The following PLEKHH2 variants were observed in gnomAD, a reference collection of about 807,000 sequenced individuals.
PLEKHH2 encodes pleckstrin homology, MyTH4 and FERM domain containing H2, also known as pleckstrin homology domain-containing family H member 2.
PLEKHH2 carries 129 observed loss-of-function variants against 187.9 expected under a neutral mutation model. That is an observed-to-expected ratio of 0.69 (90% CI 0.59 to 0.79). The LOEUF (loss-of-function observed/expected upper bound fraction) is 0.79, where lower values mean the gene tolerates loss of function less well. Ranked by LOEUF, PLEKHH2 falls within the 30% of genes least tolerant of loss-of-function variation. The pLI, the probability that PLEKHH2 is intolerant of heterozygous loss-of-function variation, is 0.00. For missense variants in PLEKHH2, 2,076 were observed against 1,751.2 expected (o/e 1.19, Z -3.31); for synonymous variants, 686 against 605.6 (o/e 1.13, Z -1.95).
At chr2:43,734,254 C>A (rs546965460) in intron 19 of PLEKHH2, among the ~76,000 whole-genome samples, 2 of 152,240 alleles carry the variant, frequency 1.3e-5, no homozygotes, top group Non-Finnish European at 2.9e-5. Flanking sequence ...TATTTTGAAG[C>A]AATCCTCAGT....
intron 16 of PLEKHH2, among the ~76,000 whole-genome samples, chr2:43,724,301 C>T (rs1670632204): frequency 1.3e-5 from 2 of 152,180 alleles, no homozygotes; most frequent in African/African-American, 4.8e-5. Flanking sequence ...AGAAGGGCTC[C>T]AGCACTGAGC....
chr2:43,720,611 T>C, intron 15 of PLEKHH2, 58 bp from the exon 16 acceptor site: 1 of 1,591,190 alleles, frequency 6.3e-7, no homozygotes, highest in Non-Finnish European at 8.5e-7. Context: ...GTATAAGCTA[T>C]AATTTAAGGT....
At position 43,759,045 on chromosome 2, in the gene PLEKHH2, A is replaced by G. The variant is rs760122559; in HGVS notation, c.4071+16A>G. ...TCTTGCAAAAGTAAGAAAGAATGGG[A>G]GAGAGATGCATAATGAAAACCTTTG... is the stretch of plus-strand genomic sequence containing the variant. On this transcript the variant is annotated intron_variant, in intron 27 of 29. Transcript: ENST00000282406. The G allele has an allele frequency of 9.3e-6, 15 of 1,606,642 alleles. No homozygotes were observed. Among genetic ancestry groups the G allele is most frequent in the Non-Finnish European group, 1.3e-5 (15 of 1,174,194 alleles).
chr2:43,681,384 G>C, intron 3 of PLEKHH2: 2 of 1,517,162 alleles, frequency 1.3e-6, no homozygotes, highest in Non-Finnish European at 9.0e-7. Context: ...GCTACTGGAA[G>C]GTTCTTGTCG....
intron 24 of PLEKHH2, among the ~76,000 whole-genome samples, chr2:43,749,041 G>A (rs1300870228): frequency 6.6e-6 from 1 of 152,216 alleles, no homozygotes; most frequent in East Asian, 1.9e-4. Context: ...ACAGGCATGA[G>A]CCACTGCGCC....
intron 23 of PLEKHH2, among the ~76,000 whole-genome samples, chr2:43,744,706 A>G (rs1308178894): frequency 2.0e-5 from 3 of 151,788 alleles, no homozygotes; most frequent in Admixed American, 2.0e-4. Flanking sequence ...CATCTCTACT[A>G]AAAATACAAA....
intron 11 of PLEKHH2, 30 bp downstream of exon 11, chr2:43,707,575 A>T: frequency 6.2e-7 from 1 of 1,607,882 alleles, no homozygotes; most frequent in Non-Finnish European, 8.5e-7. Flanking sequence ...ATATGAGGCA[A>T]CTCCAGATCA....
chr2:43,637,654 C>T (rs1703173951), intron 1 of PLEKHH2, among the ~76,000 whole-genome samples: 1 of 152,098 alleles, frequency 6.6e-6, no homozygotes, highest in African/African-American at 2.4e-5. Context: ...CGTGGGCTCC[C>T]GTGACGTTCT....
chr2:43,651,454 C>A (rs1173856614), intron 2 of PLEKHH2, among the ~76,000 whole-genome samples: 3 of 152,196 alleles, frequency 2.0e-5, no homozygotes, highest in African/African-American at 7.2e-5. Flanking sequence ...TGTAACTTAG[C>A]ATTTTTCCTA....
At chr2:43,756,654 A>G (rs905869631) in intron 25 of PLEKHH2, among the ~76,000 whole-genome samples, 1 of 152,232 alleles carries the variant, frequency 6.6e-6, no homozygotes, top group Non-Finnish European at 1.5e-5. Context: ...TTTCAAAATT[A>G]GAATTCAAGC....
chr2:43,711,310 T>G (rs1317736055), intron 14 of PLEKHH2: 1 of 985,240 alleles, frequency 1.0e-6, no homozygotes, highest in Non-Finnish European at 1.2e-6. Context: ...TCTCAAAAAT[T>G]TAGAAAGGAG....
At chr2:43,655,385 C>G (rs1232594882) in intron 2 of PLEKHH2, among the ~76,000 whole-genome samples, 1 of 152,092 alleles carries the variant, frequency 6.6e-6, no homozygotes, top group East Asian at 1.9e-4. Context: ...AGTATCAAAA[C>G]CAGGAACTGC....
At chr2:43,744,264 T>C in intron 23 of PLEKHH2, 1 of 555,080 alleles carries the variant, frequency 1.8e-6, no homozygotes, top group Non-Finnish European at 2.5e-6. Flanking sequence ...AGGGTAGATA[T>C]GTAGAAGTGC....
chr2:43,720,777 T>G, intron 16 of PLEKHH2, 28 bp downstream of exon 16: 1 of 1,585,012 alleles, frequency 6.3e-7, no homozygotes, highest in Admixed American at 1.9e-5. Flanking sequence ...ATATGCCAAT[T>G]GAAGTAACTT....
intron 2 of PLEKHH2, among the ~76,000 whole-genome samples, chr2:43,676,998 C>T (rs1010128749): frequency 5.9e-5 from 9 of 151,986 alleles, no homozygotes; most frequent in Non-Finnish European, 1.0e-4. Context: ...TATGTTAATC[C>T]ATAATTTTTA....
intron 26 of PLEKHH2, 39 bp downstream of exon 26, chr2:43,757,303 T>C: frequency 7.2e-7 from 1 of 1,385,128 alleles, no homozygotes; most frequent in African/African-American, 1.5e-5. Context: ...GGTAGGGTCA[T>C]ACTAGTTTTT....
chr2:43,763,493 C>A (rs1245296631), intron 28 of PLEKHH2, among the ~76,000 whole-genome samples: 1 of 151,876 alleles, frequency 6.6e-6, no homozygotes, highest in Non-Finnish European at 1.5e-5. Context: ...GATCACTGCT[C>A]CCTGCATCCT....
At chr2:43,667,413 A>G (rs533684096) in intron 2 of PLEKHH2, among the ~76,000 whole-genome samples, 2 of 152,356 alleles carry the variant, frequency 1.3e-5, no homozygotes, top group Admixed American at 6.5e-5. Context: ...GAGTTATTAT[A>G]TGACCCAGAA....
chr2:43,744,067 CA>C (rs1671679905), intron 23 of PLEKHH2, 78 bp downstream of exon 23: 1 of 1,514,096 alleles, frequency 6.6e-7, no homozygotes, highest in Non-Finnish European at 8.9e-7. Flanking sequence ...GTAAACTTTG[CA>C]AGAAGTTTAA....
Sources: allele counts gnomAD v4.1 joint callset (sites outside exome capture counted in the v4.1 genomes callset), GRCh38; gene constraint gnomAD v4.1.1; transcripts MANE v1.5; gene names NCBI Gene and HGNC (gene_info 2026-07-23, HGNC 2026-07-21).